PLCE1: variants seen among roughly 807,000 people sequenced by gnomAD.
PLCE1 encodes the protein 1-phosphatidylinositol 4,5-bisphosphate phosphodiesterase epsilon-1.
A neutral mutation model predicts 242.8 loss-of-function variants in PLCE1; 119 were observed. That is an observed-to-expected ratio of 0.49 (90% CI 0.42 to 0.57). PLCE1 has a LOEUF of 0.57. Ranked by LOEUF, PLCE1 falls within the 20% of genes least tolerant of loss-of-function variation. The pLI is 0.00. For synonymous variants in PLCE1, 945 were observed against 1,017.4 expected (o/e 0.93, Z 1.35); for missense variants, 2,441 against 2,788.8 (o/e 0.88, Z 2.81).
chr10:94,107,711 A>T (rs577543443), intron 2 of PLCE1: 3 of 151,986 alleles, frequency 2.0e-5, no homozygotes, highest in Non-Finnish European at 4.4e-5. Flanking sequence ...AGACATTCAC[A>T]TTGAGGTCAA....
intron 3 of PLCE1, among the ~76,000 whole-genome samples, chr10:94,162,230 G>A (rs1418449062): frequency 6.6e-6 from 1 of 152,208 alleles, no homozygotes; most frequent in African/African-American, 2.4e-5. Flanking sequence ...CAGAAGAAAT[G>A]GTACCAGCTC....
At chr10:94,121,867 A>G (rs2046311730) in intron 2 of PLCE1, among the ~76,000 whole-genome samples, 1 of 152,212 alleles carries the variant, frequency 6.6e-6, no homozygotes, top group African/African-American at 2.4e-5. Flanking sequence ...AGGGAAATGC[A>G]GTGCTGGTCC....
At chr10:94,297,590 TAAAAAAAAAAAAAAAAA>T (rs71031568) in intron 23 of PLCE1, among the ~76,000 whole-genome samples, 609 of 56,598 alleles carry the variant, frequency 0.011, 16 homozygotes, top group Middle Eastern at 0.039. Context: ...TTTAAATTTG[TAAAAAAAAAAAAAAAAA>T]AAAAAAAAAA....
At chr10:94,115,802 G>T (rs2046108133) in intron 2 of PLCE1, among the ~76,000 whole-genome samples, 1 of 152,146 alleles carries the variant, frequency 6.6e-6, no homozygotes, top group Non-Finnish European at 1.5e-5. Context: ...AAGTCAGCCT[G>T]TTCCCAGTGA....
At chr10:94,053,365 G>A (rs1391304574) in intron 2 of PLCE1, among the ~76,000 whole-genome samples, 1 of 152,220 alleles carries the variant, frequency 6.6e-6, no homozygotes, top group Non-Finnish European at 1.5e-5. Context: ...ACTACTAATC[G>A]TAAGAATGAA....
intron 3 of PLCE1, among the ~76,000 whole-genome samples, chr10:94,167,866 T>C (rs1163604779): frequency 6.6e-6 from 1 of 151,934 alleles, no homozygotes; most frequent in Non-Finnish European, 1.5e-5. Flanking sequence ...TTTGTATTTT[T>C]AGTAGAGACA....
At chr10:94,186,913 T>C (rs1277046116) in intron 4 of PLCE1, among the ~76,000 whole-genome samples, 1 of 152,246 alleles carries the variant, frequency 6.6e-6, no homozygotes, top group African/African-American at 2.4e-5. Context: ...TCCTGTGCCT[T>C]GCACTGGGCA....
rs559496577 is a variant in PLCE1, at chr10:94,071,495, G to GTTTTTTTTTTT, written c.1206+39254_1206+39264dup. Among the ~76,000 whole-genome samples the GTTTTTTTTTTT allele has an allele frequency of 1.2e-3, 104 of 83,310 alleles. 17 individuals are homozygous for GTTTTTTTTTTT. Among genetic ancestry groups the GTTTTTTTTTTT allele is most frequent in the East Asian group, 3.5e-3 (8 of 2,282 alleles). The allele number at this position is 83,310 out of a possible 152,430, so 54.7% of individuals were successfully genotyped here. On this transcript the variant is annotated intron_variant, in intron 2 of 32. Coordinates refer to ENST00000371380, the MANE Select transcript of PLCE1 (RefSeq NM_016341.4). ...GTCTGTGTGTGTGTGTTTGGTTTTCGTTTTTTTTTTTTTTTTTTTTTGAGT... is the reference window on the plus strand; with the variant it reads ...GTCTGTGTGTGTGTGTTTGGTTTTCGTTTTTTTTTTTTTTTTTTTTTTTTTTTTTTTTGAGT...
intron 2 of PLCE1, among the ~76,000 whole-genome samples, chr10:94,082,726 A>G (rs1176831427): frequency 6.6e-6 from 1 of 152,250 alleles, no homozygotes; most frequent in East Asian, 1.9e-4. Flanking sequence ...ACAAAAATTA[A>G]TAATTTTTTC....
chr10:94,217,711 A>G lies in PLCE1; in HGVS notation c.1810-9595A>G, dbSNP rs575355749. ...CTCCCTAGTTGATTTTAAAACAGTA[A>G]ATAACTCTAGTGAACTTAGAACCCA... On this transcript the variant is annotated intron_variant, in intron 4 of 32. Coordinates refer to ENST00000371380, the MANE Select transcript of PLCE1 (RefSeq NM_016341.4). 6.6e-5 allele frequency among the ~76,000 whole-genome samples: 10 copies of G among 152,334 alleles called. 1 individual carries two copies. The South Asian group carries it at 2.1e-3, about 32-fold the overall frequency.
chr10:94,179,512 G>GCTTTTTTTTTTTTTTTTT (rs2048227910), intron 4 of PLCE1, among the ~76,000 whole-genome samples: 1 of 19,398 alleles, frequency 5.2e-5, no homozygotes, highest in South Asian at 2.3e-3. Context: ...TTTTAGTTTA[G>GCTTTTTTTTTTTTTTTTT]TTTTTTTTTT....
chr10:94,021,014 A>G (rs1193834981), intron 1 of PLCE1, among the ~76,000 whole-genome samples: 2 of 152,054 alleles, frequency 1.3e-5, no homozygotes, highest in Non-Finnish European at 2.9e-5. Flanking sequence ...TATTTTTAGT[A>G]GAGATGGGGT....
intron 1 of PLCE1, among the ~76,000 whole-genome samples, chr10:94,023,485 G>A (rs1935961): frequency 0.56 from 85,055 of 152,016 alleles, 25,002 homozygotes; most frequent in African/African-American, 0.74. Context: ...AGGGAGTCCT[G>A]TGAGCATCAC....
intron 4 of PLCE1, among the ~76,000 whole-genome samples, chr10:94,210,229 C>T (rs1025039654): frequency 6.6e-6 from 1 of 151,328 alleles, no homozygotes; most frequent in Non-Finnish European, 1.5e-5. Context: ...GCCGTAAGCA[C>T]TTCCCAAGTA....
Position 94,280,221 on chromosome 10 carries a change from GA to G in PLCE1, c.4795+311del, listed in dbSNP as rs1227135269. 5 of 402,378 alleles carry G rather than the reference GA, an allele frequency of 1.2e-5. No homozygotes were observed. In the Admixed American group the frequency reaches 1.8e-4, roughly 15 times the overall value. The allele number at this position is 402,378 out of a possible 1,614,324, so 24.9% of individuals were successfully genotyped here. A position where few individuals can be genotyped will look rare whatever the true frequency, so the allele number is the denominator to read the frequency against. On this transcript the variant is annotated intron_variant, in intron 20 of 32. Transcript: ENST00000371380. ...TCACCCTTTAGTTTCTAGCGTGGCT[GA>G]TAATCTTGGCAGGAGTCGTAGACTG...
intron 3 of PLCE1, among the ~76,000 whole-genome samples, chr10:94,139,719 T>G (rs1458014994): frequency 7.0e-6 from 1 of 142,198 alleles, no homozygotes. Context: ...CCCCAGTTCT[T>G]AACTTTGAAC....
intron 27 of PLCE1, among the ~76,000 whole-genome samples, chr10:94,311,767 CAGAT>C (rs530486949): frequency 6.6e-6 from 1 of 152,182 alleles, no homozygotes; most frequent in Non-Finnish European, 1.5e-5. Flanking sequence ...GCATCCCAAA[CAGAT>C]CTATCTAAAT....
chr10:94,033,091 G>A (rs914489571), intron 2 of PLCE1, among the ~76,000 whole-genome samples: 3 of 152,026 alleles, frequency 2.0e-5, no homozygotes, highest in African/African-American at 7.2e-5. Context: ...TATACGGGAA[G>A]ATGCATGTAT....
chr10:94,192,807 G>A (rs1230972114), intron 4 of PLCE1, among the ~76,000 whole-genome samples: 1 of 152,140 alleles, frequency 6.6e-6, no homozygotes, highest in African/African-American at 2.4e-5. Flanking sequence ...ACAATGCAGT[G>A]TTCCCTTTTC....
Sources: allele counts gnomAD v4.1 joint callset (sites outside exome capture counted in the v4.1 genomes callset), GRCh38; gene constraint gnomAD v4.1.1; transcripts MANE v1.5; gene names NCBI Gene and HGNC (gene_info 2026-07-23, HGNC 2026-07-21).